Variants in NUP153 observed in about 807,000 individuals in gnomAD.
NUP153 encodes the protein nucleoporin 153.
Under a neutral mutation model 134.6 loss-of-function variants are expected in NUP153, and 27 were observed. The observed-to-expected ratio is 0.20, with a 90% CI of 0.15 to 0.28. NUP153 has a LOEUF of 0.28. Among genes scored for constraint, NUP153 ranks in the 10% least tolerant of loss-of-function variants. The pLI is 1.00. For synonymous variants in NUP153, 640 were observed against 623.5 expected (o/e 1.03, Z -0.40); for missense variants, 1,821 against 1,731.3 (o/e 1.05, Z -0.92).
In NUP153 at chr6:17,637,479, G is replaced by A; in HGVS notation, c.2138C>T (p.Thr713Ile). 3 of 1,614,222 alleles carry A rather than the reference G, an allele frequency of 1.9e-6. No homozygotes were observed. The South Asian group carries it at 3.3e-5, about 18-fold the overall frequency. Residue 713 changes from threonine to isoleucine, a missense_variant, in exon 16 of 22, where the codon ACA becomes ATA. By Grantham distance (89) the Thr-to-Ile change is moderately conservative. Coordinates refer to ENST00000262077, the MANE Select transcript of NUP153 (RefSeq NM_005124.4). Reference protein sequence around the residue: ...SGKTTLSASGTGFGDKFKPVI... With the variant: ...SGKTTLSASGIGFGDKFKPVI... ...TGGTTTAAATTTGTCTCCAAAGCCT[G>A]TCCCTGATGCAGAAAGAGTTGTTTT...
chr6:17,653,229 GGCGACAGA>G lies in NUP153; in HGVS notation c.1396-3937_1396-3930del, dbSNP rs535807026. Reference sequence around the variant, plus strand: ...GATCGTGCTACTGCACTCCAGCCTGGGCGACAGAGCGAGGCTCCATCTCAAAAAAAGAA... The same window carrying G: ...GATCGTGCTACTGCACTCCAGCCTGGGCGAGGCTCCATCTCAAAAAAAGAA... On this transcript the variant is annotated intron_variant, in intron 11 of 21. Transcript: ENST00000262077. Among the ~76,000 whole-genome samples the G allele has an allele frequency of 8.5e-4, 129 of 152,274 alleles. 2 individuals are homozygous for G. The South Asian group carries it at 9.5e-3, about 11-fold the overall frequency.
At chr6:17,632,522 T>C (rs190138556) in intron 17 of NUP153, 128 bp downstream of exon 17, 2 of 647,262 alleles carry the variant, frequency 3.1e-6, no homozygotes, top group Non-Finnish European at 5.0e-6. Flanking sequence ...CTCAGGATAA[T>C]CTCATTTTAT....
chr6:17,661,721 C>G lies in NUP153; in HGVS notation c.1327G>C (p.Gly443Arg). The change falls in exon 11 of 22, where the codon GGT becomes CGT. Residue 443 changes from glycine to arginine, a missense_variant. By Grantham distance (125) the Gly-to-Arg change is moderately radical (BLOSUM62 -2). Coordinates refer to ENST00000262077, the MANE Select transcript of NUP153 (RefSeq NM_005124.4). ...PAANGLSSGV[G>R]GGGGKMRRER... ...CGTCTCATCTTGCCACCTCCACCAC[C>G]TACTCCAGAAGATAAACCATTGGCT... is the stretch of plus-strand genomic sequence containing the variant. 6.2e-7 allele frequency: 1 copy of G among 1,613,968 alleles called. No individual in the cohort carries two copies. Among genetic ancestry groups the G allele is most frequent in the Non-Finnish European group, 8.5e-7 (1 of 1,179,914 alleles).
At chr6:17,699,485 A>G (rs918104075) in intron 1 of NUP153, among the ~76,000 whole-genome samples, 4 of 151,098 alleles carry the variant, frequency 2.6e-5, no homozygotes, top group African/African-American at 9.7e-5. Flanking sequence ...TCGTCTCAAA[A>G]AAAAAAAAAA....
chr6:17,661,563 T>C, intron 11 of NUP153, 90 bp downstream of exon 11: 1 of 1,320,194 alleles, frequency 7.6e-7, no homozygotes, highest in East Asian at 2.6e-5. Context: ...CTGGGTCTCT[T>C]CGAACCCCAC....
intron 2 of NUP153, among the ~76,000 whole-genome samples, chr6:17,686,177 G>A (rs1581762092): frequency 8.3e-6 from 1 of 121,146 alleles, no homozygotes; most frequent in African/African-American, 3.0e-5. Flanking sequence ...AAGAAAGAAA[G>A]AAAAAGCCAA....
chr6:17,627,843 G>C (rs752140841), intron 18 of NUP153, among the ~76,000 whole-genome samples: 6 of 152,144 alleles, frequency 3.9e-5, no homozygotes, highest in Non-Finnish European at 5.9e-5. Flanking sequence ...TTTAGCTTTG[G>C]TGTCCTAAAT....
intron 1 of NUP153, among the ~76,000 whole-genome samples, chr6:17,703,949 A>G (rs550755627): frequency 6.6e-6 from 1 of 152,350 alleles, no homozygotes; most frequent in Admixed American, 6.5e-5. Context: ...TATGCTGTTA[A>G]GACATCATCT....
intron 11 of NUP153, among the ~76,000 whole-genome samples, chr6:17,657,819 C>A (rs1766927082): frequency 6.6e-6 from 1 of 152,194 alleles, no homozygotes; most frequent in Admixed American, 6.5e-5. Flanking sequence ...TGCATTATAA[C>A]AATTTGCCAC....
chr6:17,695,948 G>T (rs1769612256), intron 1 of NUP153, among the ~76,000 whole-genome samples: 1 of 152,112 alleles, frequency 6.6e-6, no homozygotes, highest in Non-Finnish European at 1.5e-5. Flanking sequence ...GGCGGAGCTT[G>T]CAGTGAGCTG....
At chr6:17,666,003 T>TA (rs1491074794) in intron 8 of NUP153, among the ~76,000 whole-genome samples, 1 of 150,322 alleles carries the variant, frequency 6.7e-6, no homozygotes, top group African/African-American at 2.5e-5. Flanking sequence ...TTTTTTTTTT[T>TA]AAATGGAGAC....
chr6:17,687,887 G>A (rs1769029004), intron 2 of NUP153, among the ~76,000 whole-genome samples: 2 of 152,158 alleles, frequency 1.3e-5, no homozygotes, highest in Admixed American at 6.5e-5. Context: ...GGCTGAGGCG[G>A]ATGGATCATG....
chr6:17,685,789 G>GT, intron 2 of NUP153, among the ~76,000 whole-genome samples: 1 of 151,898 alleles, frequency 6.6e-6, no homozygotes, highest in Non-Finnish European at 1.5e-5. Context: ...AAATGACTAT[G>GT]TAACTGTTTT....
chr6:17,687,550 TCTC>T lies in NUP153; in HGVS notation c.334+843_334+845del, dbSNP rs1769007055. Among the ~76,000 whole-genome samples, 4 of 152,302 alleles carry T rather than the reference TCTC, an allele frequency of 2.6e-5. No individual in the cohort carries two copies. In the South Asian group the frequency reaches 8.3e-4, roughly 32 times the overall value. On this transcript the variant is annotated intron_variant, in intron 2 of 21. Transcript: ENST00000262077. ...ACTAAGAAAAATTAGGTTTGCCATT[TCTC>T]TAAAATAAAAACCATTCTTTCAGGG...
At chr6:17,622,192 G>A (rs1435379636) in intron 20 of NUP153, among the ~76,000 whole-genome samples, 1 of 152,188 alleles carries the variant, frequency 6.6e-6, no homozygotes, top group Non-Finnish European at 1.5e-5. Flanking sequence ...GCTCACGCCT[G>A]TAATCCTAGC....
intron 14 of NUP153, among the ~76,000 whole-genome samples, chr6:17,643,106 A>G (rs1189707515): frequency 6.6e-6 from 1 of 152,182 alleles, no homozygotes; most frequent in Non-Finnish European, 1.5e-5. Context: ...TGGCTGCACA[A>G]CGCTGTCAAG....
At position 17,665,303 on chromosome 6, in the gene NUP153, T is replaced by G. The variant is rs1157370415; in HGVS notation, c.1151A>C (p.Lys384Thr). 1 of 1,613,166 alleles carries G rather than the reference T, an allele frequency of 6.2e-7. No homozygotes were observed. Among genetic ancestry groups the G allele is most frequent in the African/African-American group, 1.3e-5 (1 of 74,898 alleles). Residue 384 changes from lysine to threonine, a missense_variant, in exon 9 of 22, where the codon AAA (lysine) becomes ACA (threonine). Coordinates refer to ENST00000262077, the MANE Select transcript of NUP153 (RefSeq NM_005124.4). ...TTCACCAGAAGGAGTCAGAGATGGT[T>G]TAAAATAAACACTTCGATTTGTTGC... is the stretch of plus-strand genomic sequence containing the variant. ...SIATNRSVYF[K>T]PSLTPSGEFR...
At position 17,638,879 on chromosome 6, in the gene NUP153, T is replaced by C. The variant is rs1286931946; in HGVS notation, c.1846+1060A>G. Among the ~76,000 whole-genome samples the C allele has an allele frequency of 1.3e-5, 2 of 152,192 alleles. No individual in the cohort carries two copies. Among genetic ancestry groups the C allele is most frequent in the Admixed American group, 6.5e-5 (1 of 15,282 alleles). Reference sequence around the variant, plus strand: ...AACTGTCCAAGCTACTGGACTCCTGTAGGCAGTATACTTATCTATAAAATG... The same window carrying C: ...AACTGTCCAAGCTACTGGACTCCTGCAGGCAGTATACTTATCTATAAAATG... On this transcript the variant is annotated intron_variant, in intron 15 of 21. Coordinates refer to ENST00000262077, the MANE Select transcript of NUP153 (RefSeq NM_005124.4). The surrounding 1 kb of genome is among the most constrained non-coding windows in gnomAD (Gnocchi z 4.0).
intron 2 of NUP153, among the ~76,000 whole-genome samples, chr6:17,684,135 T>C (rs749128739): frequency 2.0e-5 from 3 of 152,240 alleles, no homozygotes; most frequent in Non-Finnish European, 4.4e-5. Context: ...GCCAAGCAGA[T>C]GCTGGTGCCA....
Sources: gnomAD v4.1 joint callset for allele counts (sites outside exome capture counted in the v4.1 genomes callset) on GRCh38, gnomAD v4.1.1 for gene constraint, Gnocchi (gnomAD v3.1) non-coding constraint, MANE v1.5 for transcripts, NCBI Gene and HGNC (gene_info 2026-07-23, HGNC 2026-07-21) for gene names.